Variants in XDH observed in about 807,000 individuals in gnomAD.
The protein encoded by XDH is xanthine dehydrogenase/oxidase.
XDH carries 138 observed loss-of-function variants against 156.1 expected under a neutral mutation model. That is an observed-to-expected ratio of 0.88 (90% CI 0.77 to 1.02). XDH has a LOEUF of 1.02. XDH is among the 50% of genes least tolerant of loss of function. The probability of loss-of-function intolerance (pLI) is 0.00; values close to 1 mark genes in which losing one functional copy is unlikely to be tolerated. For synonymous variants in XDH, 669 were observed against 625.7 expected, an observed-to-expected ratio of 1.07 and a Z score of -1.03; for missense variants, 1,849 against 1,684.9, an observed-to-expected ratio of 1.10 and a Z score of -1.71.
intron 16 of XDH, among the ~76,000 whole-genome samples, chr2:31,373,612 C>T (rs1164216474): frequency 3.3e-5 from 5 of 149,906 alleles, no homozygotes; most frequent in African/African-American, 7.4e-5. Context: ...TTATCCATCA[C>T]GTAAAAAAAA....
Position 31,349,538 on chromosome 2 carries a change from T to C in XDH, c.2969+148A>G, listed in dbSNP as rs1572517124. 8.4e-6 allele frequency: 10 copies of C among 1,186,932 alleles called. No individual in the cohort carries two copies. The South Asian group carries it at 1.1e-4, about 13-fold the overall frequency. 73.5% of individuals were successfully genotyped at this position (1,186,932 alleles called of 1,614,324 possible). A position where few individuals can be genotyped will look rare whatever the true frequency, so the allele number is the denominator to read the frequency against. ...CCCCGGGCTGAAGATCATTATAAGATCTTAAAGAGATGGCTGTGAATGAGT... is the reference window on the plus strand; with the variant it reads ...CCCCGGGCTGAAGATCATTATAAGACCTTAAAGAGATGGCTGTGAATGAGT... On this transcript the variant is annotated intron_variant, in intron 26 of 35. Transcript: ENST00000379416.
At chr2:31,373,753 G>A (rs1686144400) in intron 16 of XDH, 120 bp downstream of exon 16, 2 of 932,924 alleles carry the variant, frequency 2.1e-6, no homozygotes, top group South Asian at 1.4e-5. Flanking sequence ...ACGCACAAGA[G>A]TAAGGAGTTT....
At chr2:31,341,278 G>T in intron 33 of XDH, 51 bp downstream of exon 33, 2 of 1,518,560 alleles carry the variant, frequency 1.3e-6, no homozygotes, top group South Asian at 2.4e-5. Context: ...GAGGGGAATG[G>T]GGTGCATCGG....
chr2:31,408,556 T>C (rs1687254959), intron 1 of XDH, among the ~76,000 whole-genome samples: 1 of 152,176 alleles, frequency 6.6e-6, no homozygotes, highest in Admixed American at 6.5e-5. Flanking sequence ...AATTAAAACC[T>C]ATGAGTCCAA....
In XDH at chr2:31,347,513, G is replaced by A; in HGVS notation, c.3276+9C>T. 6.2e-7 allele frequency: 1 copy of A among 1,613,518 alleles called. No individual in the cohort carries two copies. Among genetic ancestry groups the A allele is most frequent in the Non-Finnish European group, 8.5e-7 (1 of 1,179,938 alleles). ...CCCTCTGCTCTGCGGGATCCCATGG[G>A]CTCCTTACATAGACGGCCTGTCCAT... On this transcript the variant is annotated intron_variant, in intron 29 of 35. Coordinates refer to ENST00000379416, the MANE Select transcript of XDH (RefSeq NM_000379.4).
intron 29 of XDH, 38 bp downstream of exon 29, chr2:31,347,484 C>T (rs780079672): frequency 1.2e-6 from 2 of 1,612,504 alleles, no homozygotes; most frequent in South Asian, 1.1e-5. Context: ...CAGCTCTGGG[C>T]TGGCCCTCTG....
chr2:31,403,892 G>A (rs1687128025), intron 2 of XDH, among the ~76,000 whole-genome samples: 1 of 152,102 alleles, frequency 6.6e-6, no homozygotes, highest in African/African-American at 2.4e-5. Context: ...AGGCCTCTAA[G>A]CCACCCACTA....
chr2:31,355,939 GC>G (rs1255561835), intron 24 of XDH, among the ~76,000 whole-genome samples: 1 of 152,110 alleles, frequency 6.6e-6, no homozygotes, highest in African/African-American at 2.4e-5. Context: ...GATATAACAT[GC>G]AAACATTAAT....
In XDH at chr2:31,362,123, T is replaced by C. The variant is rs370836945; in HGVS notation, c.2631+2035A>G. ...CACAGGACTGACTATGTTGCTTTTC[T>C]GCCTTTTGGGGTGAGTAGAGCAGGA... On this transcript the variant is annotated intron_variant, in intron 24 of 35. Transcript: ENST00000379416. 3.9e-4 allele frequency among the ~76,000 whole-genome samples: 60 copies of C among 152,320 alleles called. No homozygotes were observed. In the South Asian group the frequency reaches 8.7e-3, roughly 22 times the overall value.
chr2:31,367,954 G>T lies in XDH; in HGVS notation c.2197+7C>A. 6.2e-7 allele frequency: 1 copy of T among 1,614,022 alleles called. No individual in the cohort carries two copies. Among genetic ancestry groups the T allele is most frequent in the Non-Finnish European group, 8.5e-7 (1 of 1,179,882 alleles). ...CCCATTCCCACTGCGGCATGGAACA[G>T]CTCTACCTGACACAACATTATCTGC... On this transcript the variant is annotated splice_region_variant and intron_variant, in intron 20 of 35. Coordinates refer to ENST00000379416, the MANE Select transcript of XDH (RefSeq NM_000379.4).
At chr2:31,371,965 C>T (rs1304096556) in intron 17 of XDH, among the ~76,000 whole-genome samples, 8 of 152,244 alleles carry the variant, frequency 5.3e-5, no homozygotes, top group Admixed American at 5.2e-4. Flanking sequence ...TGCTTGGCTT[C>T]AAATTCCAAC....
intron 29 of XDH, 22 bp downstream of exon 29, chr2:31,347,500 C>T (rs747587917): frequency 1.1e-5 from 18 of 1,612,894 alleles, no homozygotes; most frequent in Admixed American, 5.0e-5. Context: ...CTCTGCTCTG[C>T]GGGATCCCAT....
At chr2:31,401,153 T>G in intron 4 of XDH, 67 bp downstream of exon 4, 1 of 1,575,610 alleles carries the variant, frequency 6.3e-7, no homozygotes, top group Non-Finnish European at 8.7e-7. Context: ...TCTGCAACTT[T>G]GGCATGAGCC....
At position 31,350,128 on chromosome 2, in the gene XDH, G is replaced by T. The variant is rs566362; in HGVS notation, c.2727C>A (p.Asn909Lys). ...GRLCKTNLPS[N>K]TAFRGFGGPQ... ...GCCCCCCAAAGCCCCGGAAGGCCGT[G>T]TTGGAGGGAAGGTTGGTTTTGCACA... The change falls in exon 25 of 36, where the codon AAC becomes AAA. Residue 909 changes from asparagine (N) to lysine (K), a missense_variant. Asn to Lys is a moderately conservative substitution (Grantham distance 94). Coordinates refer to ENST00000379416, the MANE Select transcript of XDH (RefSeq NM_000379.4). The T allele has an allele frequency of 5.0e-6, 8 of 1,614,230 alleles. No individual in the cohort carries two copies. Among genetic ancestry groups the T allele is most frequent in the Non-Finnish European group, 6.8e-6 (8 of 1,180,050 alleles).
Position 31,366,391 on chromosome 2 carries a change from GACCAGCTGCCGAAAAC to G in XDH, c.2323-298_2323-283del, listed in dbSNP as rs750652079. 6.2e-4 allele frequency among the ~76,000 whole-genome samples: 95 copies of G among 152,256 alleles called. No individual in the cohort carries two copies. In the Middle Eastern group the frequency reaches 0.01, roughly 16 times the overall value. Reference sequence around the variant, plus strand: ...AGCGACTGGTAGATCATGAGAGTAGGACCAGCTGCCGAAAACACTGGCAACCGCTGTCACATTACAG... The same window carrying G: ...AGCGACTGGTAGATCATGAGAGTAGGACTGGCAACCGCTGTCACATTACAG... On this transcript the variant is annotated intron_variant, in intron 21 of 35. Transcript: ENST00000379416.
rs889118837 is a variant in XDH, at chr2:31,372,241, G to A, written c.1843C>T (p.His615Tyr). Residue 615 changes from histidine (H) to tyrosine (Y), a missense_variant, in exon 17 of 36, where the codon CAC becomes TAC. His to Tyr is a moderately conservative substitution (Grantham distance 83). Transcript: ENST00000379416. ...SLRLVTSTRA[H>Y]AKIKSIDTSE... ...GGTGTCACTCACTTGATCTTGGCGT[G>A]GGCCCGGGTGCTGGTGACCAGCCGG... 5.6e-6 allele frequency: 9 copies of A among 1,614,222 alleles called. No individual in the cohort carries two copies. The highest frequency in any genetic ancestry group is 6.8e-6 in the Non-Finnish European group (8 of 1,180,042).
rs1684950307 is a variant in XDH, at chr2:31,335,541, C to G, written c.*417G>C. On this transcript the variant is annotated 3_prime_UTR_variant, in exon 36 of 36. Coordinates refer to ENST00000379416, the MANE Select transcript of XDH (RefSeq NM_000379.4). ...CATTGGTTTGAAGGCCAGGCTTTCACAGGAAGGCACACGATTTAAAGTAAC... is the reference window on the plus strand; with the variant it reads ...CATTGGTTTGAAGGCCAGGCTTTCAGAGGAAGGCACACGATTTAAAGTAAC... 3.5e-6 allele frequency: 1 copy of G among 282,460 alleles called. No homozygotes were observed. Among genetic ancestry groups the G allele is most frequent in the East Asian group, 8.8e-5 (1 of 11,300 alleles). The allele number at this position is 282,460 out of a possible 1,614,324, so 17.5% of individuals were successfully genotyped here.
intron 6 of XDH, among the ~76,000 whole-genome samples, chr2:31,394,455 C>A (rs201550418): frequency 1.3e-5 from 2 of 151,976 alleles, no homozygotes; most frequent in South Asian, 2.1e-4. Context: ...TTTTTCTTTA[C>A]CTTTGATTTT....
rs148269820 is a variant in XDH, at chr2:31,364,187, C to T, written c.2602G>A (p.Val868Met). 2.5e-6 allele frequency: 4 copies of T among 1,614,100 alleles called. No homozygotes were observed. Among genetic ancestry groups the T allele is most frequent in the South Asian group, 1.1e-5 (1 of 91,078 alleles). The change falls in exon 24 of 36, where the codon GTG becomes ATG. Residue 868 changes from valine (V) to methionine (M), a missense_variant. Val to Met is a conservative substitution (Grantham distance 21, BLOSUM62 1). Transcript: ENST00000379416. The stretch of plus-strand genomic sequence containing the variant: ...TGAGAGAGATCCTGGGTGTTCCCCA[C>T]ATTGCTGAAGTGGTCCACCTCAAGA... Reference protein sequence around the residue: ...VALEVDHFSNVGNTQDLSQSI... With the variant: ...VALEVDHFSNMGNTQDLSQSI...
Sources: allele counts gnomAD v4.1 joint callset (sites outside exome capture counted in the v4.1 genomes callset), GRCh38; gene constraint gnomAD v4.1.1; transcripts MANE v1.5; gene names NCBI Gene and HGNC (gene_info 2026-07-23, HGNC 2026-07-21).